The following GRM5 variants were observed in gnomAD, a reference collection of about 807,000 sequenced individuals.
GRM5 encodes metabotropic glutamate receptor 5.
A neutral mutation model predicts 83.1 loss-of-function variants in GRM5; 19 were observed. The observed-to-expected ratio is 0.23, with a 90% CI of 0.16 to 0.34. GRM5 has a LOEUF of 0.34. Ranked by LOEUF, GRM5 falls within the 10% of genes least tolerant of loss-of-function variation. GRM5 has a pLI of 1.00. For missense variants in GRM5, 1,160 were observed against 1,588.3 expected (o/e 0.73, Z 4.58); for synonymous variants, 675 against 633.6 (o/e 1.07, Z -0.98).
intron 6 of GRM5, among the ~76,000 whole-genome samples, chr11:88,590,939 T>C (rs748971712): frequency 2.9e-4 from 44 of 152,294 alleles, no homozygotes; most frequent in African/African-American, 8.9e-4. Context: ...AGTTAGCTTG[T>C]GGCAGGATAA....
At chr11:88,967,227 G>A (rs546281283) in intron 2 of GRM5, among the ~76,000 whole-genome samples, 66 of 139,302 alleles carry the variant, frequency 4.7e-4, no homozygotes, top group African/African-American at 1.6e-3. Flanking sequence ...ATATGTGTGT[G>A]TATGTATATA....
At chr11:88,861,130 T>C (rs1944555265) in intron 2 of GRM5, among the ~76,000 whole-genome samples, 1 of 152,180 alleles carries the variant, frequency 6.6e-6, no homozygotes, top group South Asian at 2.1e-4. Context: ...ACATTTCTAT[T>C]AGACAGTACC....
At chr11:88,928,898 A>T (rs917944446) in intron 2 of GRM5, among the ~76,000 whole-genome samples, 2 of 45,820 alleles carry the variant, frequency 4.4e-5, no homozygotes, top group African/African-American at 1.2e-4. Context: ...ACCTATGTGT[A>T]TGTGTATATA....
intron 3 of GRM5, among the ~76,000 whole-genome samples, chr11:88,700,042 A>G (rs924313697): frequency 1.3e-5 from 2 of 152,216 alleles, no homozygotes; most frequent in Admixed American, 1.3e-4. Flanking sequence ...TTTAGTGAAT[A>G]TCTACTTCAT....
At chr11:88,742,683 A>AC (rs1942053415) in intron 3 of GRM5, among the ~76,000 whole-genome samples, 1 of 152,112 alleles carries the variant, frequency 6.6e-6, no homozygotes, top group Non-Finnish European at 1.5e-5. Flanking sequence ...TCTCTGGAAC[A>AC]CCTATCTTAG....
intron 3 of GRM5, among the ~76,000 whole-genome samples, chr11:88,678,824 C>A (rs989010655): frequency 1.3e-5 from 2 of 151,582 alleles, no homozygotes; most frequent in South Asian, 2.1e-4. Flanking sequence ...AGAAATATGC[C>A]AGTATTTATT....
chr11:88,952,495 T>C (rs1291581625), intron 2 of GRM5, among the ~76,000 whole-genome samples: 2 of 152,138 alleles, frequency 1.3e-5, no homozygotes, highest in African/African-American at 4.8e-5. Context: ...TCAATGAGTA[T>C]TGGTTGAATG....
chr11:88,675,006 T>C (rs1019184675), intron 3 of GRM5, among the ~76,000 whole-genome samples: 4 of 151,960 alleles, frequency 2.6e-5, no homozygotes, highest in African/African-American at 9.7e-5. Flanking sequence ...GCCTGCAAGA[T>C]ATCACATTTT....
intron 8 of GRM5, among the ~76,000 whole-genome samples, chr11:88,539,965 C>T (rs1347100037): frequency 6.6e-6 from 1 of 152,086 alleles, no homozygotes; most frequent in Non-Finnish European, 1.5e-5. Context: ...CTCACTACAC[C>T]GTAAAGTTTA....
At chr11:88,702,200 C>T (rs775554375) in intron 3 of GRM5, among the ~76,000 whole-genome samples, 8 of 152,036 alleles carry the variant, frequency 5.3e-5, no homozygotes, top group Non-Finnish European at 8.8e-5. Context: ...ACCATATAGC[C>T]TGTGGTAGAT....
chr11:88,612,420 A>G (rs1184451266), intron 4 of GRM5, among the ~76,000 whole-genome samples: 2 of 151,838 alleles, frequency 1.3e-5, no homozygotes, highest in East Asian at 3.9e-4. Flanking sequence ...TAATGCCGCA[A>G]TAAACATACA....
intron 3 of GRM5, among the ~76,000 whole-genome samples, chr11:88,709,357 G>T (rs1263015052): frequency 6.6e-6 from 1 of 152,054 alleles, no homozygotes; most frequent in Non-Finnish European, 1.5e-5. Context: ...TCAGATCATG[G>T]AGAGCCAGGG....
intron 9 of GRM5, among the ~76,000 whole-genome samples, chr11:88,518,528 AG>A (rs1941586997): frequency 1.3e-5 from 2 of 152,054 alleles, no homozygotes. Flanking sequence ...AAATGGTTTC[AG>A]GGTCAAATAA....
chr11:88,697,988 C>T (rs1411604003), intron 3 of GRM5, among the ~76,000 whole-genome samples: 2 of 152,156 alleles, frequency 1.3e-5, no homozygotes, highest in Admixed American at 6.5e-5. Context: ...AATCCATCTG[C>T]TTTTCTCCAG....
chr11:89,001,735 C>A (rs1406356950), intron 2 of GRM5, among the ~76,000 whole-genome samples: 2 of 152,098 alleles, frequency 1.3e-5, no homozygotes, highest in African/African-American at 4.8e-5. Context: ...ATATTTCTCA[C>A]AATTGCATGT....
intron 4 of GRM5, among the ~76,000 whole-genome samples, chr11:88,651,970 C>G (rs549026249): frequency 1.3e-5 from 2 of 151,974 alleles, no homozygotes; most frequent in Admixed American, 6.6e-5. Context: ...GAATAGCTCA[C>G]TAAATTGTTT....
chr11:88,510,406 T>C (rs917170208), intron 9 of GRM5, among the ~76,000 whole-genome samples: 2 of 152,260 alleles, frequency 1.3e-5, no homozygotes, highest in African/African-American at 4.8e-5. Context: ...CTCAGCGCCC[T>C]AGTACCTCTC....
At chr11:88,629,670 G>T (rs1938909229) in intron 4 of GRM5, among the ~76,000 whole-genome samples, 1 of 151,996 alleles carries the variant, frequency 6.6e-6, no homozygotes, top group Admixed American at 6.6e-5. Context: ...TCCTCCAATT[G>T]CCCTTGGATA....
At chr11:88,769,038 G>A (rs1942676280) in intron 3 of GRM5, among the ~76,000 whole-genome samples, 1 of 152,070 alleles carries the variant, frequency 6.6e-6, no homozygotes. Context: ...TGTAAGACTA[G>A]GCTAAAGAAA....
Sources: gnomAD v4.1 joint callset for allele counts (sites outside exome capture counted in the v4.1 genomes callset) on GRCh38, gnomAD v4.1.1 for gene constraint, MANE v1.5 for transcripts, NCBI Gene and HGNC (gene_info 2026-07-23, HGNC 2026-07-21) for gene names.